The following CROT variants were observed in gnomAD, a reference collection of about 807,000 sequenced individuals.
CROT encodes the protein peroxisomal carnitine O-octanoyltransferase.
A neutral mutation model predicts 89.2 loss-of-function variants in CROT; 84 were observed. That is an observed-to-expected ratio of 0.94 (90% CI 0.79 to 1.13). CROT has a LOEUF of 1.13. Ranked by LOEUF, CROT falls within the 50% of genes most tolerant of loss-of-function variation. The probability of loss-of-function intolerance (pLI) is 0.00; values close to 1 mark genes in which losing one functional copy is unlikely to be tolerated. For missense variants in CROT, 711 were observed against 727.8 expected (o/e 0.98, Z 0.27); for synonymous variants, 212 against 239.5 (o/e 0.89, Z 1.06).
chr7:87,384,554 G>C (rs1191940308), intron 13 of CROT, among the ~76,000 whole-genome samples: 1 of 152,074 alleles, frequency 6.6e-6, no homozygotes, highest in Non-Finnish European at 1.5e-5. Context: ...AAGATTATTT[G>C]TCCATTTTAG....
intron 13 of CROT, among the ~76,000 whole-genome samples, chr7:87,384,718 T>C (rs550381751): frequency 1.1e-4 from 17 of 152,232 alleles, no homozygotes; most frequent in Non-Finnish European, 2.1e-4. Context: ...TTTAACTTCA[T>C]ATGATCCCAT....
At chr7:87,359,632 G>T in intron 4 of CROT, 23 of 1,097,846 alleles carry the variant, frequency 2.1e-5, no homozygotes, top group Non-Finnish European at 2.5e-5. Context: ...TGTAGACCAT[G>T]CTGAAGGAAA....
chr7:87,389,700 A>G (rs1250556861), intron 13 of CROT, among the ~76,000 whole-genome samples: 2 of 152,212 alleles, frequency 1.3e-5, no homozygotes, highest in African/African-American at 2.4e-5. Context: ...GCAGCAAACC[A>G]TCATGGCACA....
chr7:87,364,824 G>A (rs1028785973), intron 6 of CROT, among the ~76,000 whole-genome samples: 1 of 152,154 alleles, frequency 6.6e-6, no homozygotes, highest in Non-Finnish European at 1.5e-5. Context: ...TGTGAATCTA[G>A]AAGCAAACAG....
intron 6 of CROT, among the ~76,000 whole-genome samples, chr7:87,366,490 T>A (rs1245771162): frequency 6.6e-6 from 1 of 152,200 alleles, no homozygotes; most frequent in Non-Finnish European, 1.5e-5. Flanking sequence ...TCAGTCATAT[T>A]CTTGATGATT....
intron 17 of CROT, among the ~76,000 whole-genome samples, chr7:87,395,485 C>T (rs531390265): frequency 5.5e-4 from 84 of 152,266 alleles, no homozygotes; most frequent in African/African-American, 1.8e-3. Flanking sequence ...AAGCATCAGG[C>T]TTTAAGGCAG....
chr7:87,369,551 T>C, intron 7 of CROT, 67 bp downstream of exon 7: 1 of 961,418 alleles, frequency 1.0e-6, no homozygotes. Flanking sequence ...ATATACATGT[T>C]TAGAATTGCC....
At chr7:87,350,877 T>A (rs1449786491) in intron 3 of CROT, among the ~76,000 whole-genome samples, 1 of 152,188 alleles carries the variant, frequency 6.6e-6, no homozygotes, top group Non-Finnish European at 1.5e-5. Context: ...ATTAATCAAC[T>A]AAGCCCATCA....
At chr7:87,397,719 A>G (rs994325682) in intron 17 of CROT, among the ~76,000 whole-genome samples, 1 of 152,220 alleles carries the variant, frequency 6.6e-6, no homozygotes, top group African/African-American at 2.4e-5. Context: ...CATTGGTTTC[A>G]TCATTATATA....
At chr7:87,369,905 G>T (rs1806576516) in intron 7 of CROT, among the ~76,000 whole-genome samples, 3 of 141,274 alleles carry the variant, frequency 2.1e-5, no homozygotes, top group Admixed American at 2.1e-4. Context: ...GTATATTACA[G>T]AAAATTTCAA....
chr7:87,358,304 C>T (rs1042189878), intron 3 of CROT, among the ~76,000 whole-genome samples: 10 of 150,622 alleles, frequency 6.6e-5, no homozygotes, highest in Non-Finnish European at 8.9e-5. Context: ...AGTGAAACCC[C>T]GTCTCTACTA....
Position 87,377,394 on chromosome 7 carries a change from G to A in CROT, c.922G>A (p.Asp308Asn). The stretch of plus-strand genomic sequence containing the variant: ...TGGAGATCCAACAGTACGCTGGGGT[G>A]ACAAATCCTATAACTTGATTTCCTT... Reference protein sequence around the residue: ...LIGDPTVRWGDKSYNLISFSN... With the variant: ...LIGDPTVRWGNKSYNLISFSN... Residue 308 changes from aspartate to asparagine, a missense_variant, in exon 10 of 18, where the codon GAC becomes AAC. Asp to Asn is a conservative substitution (Grantham distance 23, BLOSUM62 1). Transcript: ENST00000331536. The A allele has an allele frequency of 1.2e-6, 2 of 1,611,858 alleles. No individual in the cohort carries two copies. Among genetic ancestry groups the A allele is most frequent in the Non-Finnish European group, 1.7e-6 (2 of 1,178,466 alleles).
chr7:87,381,266 A>T (rs1015225723), intron 10 of CROT, among the ~76,000 whole-genome samples: 1 of 152,192 alleles, frequency 6.6e-6, no homozygotes, highest in Non-Finnish European at 1.5e-5. Flanking sequence ...ATGCGGGCAA[A>T]AACTTTGTTC....
chr7:87,373,985 C>G (rs1806726903), intron 7 of CROT, among the ~76,000 whole-genome samples: 1 of 151,968 alleles, frequency 6.6e-6, no homozygotes, highest in African/African-American at 2.4e-5. Context: ...ACTAGGTTTC[C>G]TTAATGGGAC....
chr7:87,394,237 G>C (rs998457819), intron 17 of CROT, among the ~76,000 whole-genome samples: 17 of 152,178 alleles, frequency 1.1e-4, no homozygotes, highest in Non-Finnish European at 1.6e-4. Context: ...AGAGTTGCAA[G>C]TATCTCCTTA....
At chr7:87,349,536 T>G (rs1297681033) in intron 3 of CROT, among the ~76,000 whole-genome samples, 7 of 152,248 alleles carry the variant, frequency 4.6e-5, no homozygotes, top group African/African-American at 1.7e-4. Flanking sequence ...CCTTGACATT[T>G]TAGTGCATGA....
intron 13 of CROT, among the ~76,000 whole-genome samples, chr7:87,390,223 A>C (rs1230198438): frequency 6.6e-6 from 1 of 152,176 alleles, no homozygotes; most frequent in African/African-American, 2.4e-5. Context: ...CCAATAGTTA[A>C]TGCTCTTTGC....
chr7:87,391,453 T>TG, intron 13 of CROT, 136 bp from the exon 14 acceptor site: 3 of 773,156 alleles, frequency 3.9e-6, no homozygotes, highest in Non-Finnish European at 5.8e-6. Flanking sequence ...AGGCTCTTTT[T>TG]TGTTGAAAGT....
At chr7:87,398,367 G>T in intron 17 of CROT, 157 bp from the exon 18 acceptor site, 1 of 856,986 alleles carries the variant, frequency 1.2e-6, no homozygotes, top group Non-Finnish European at 1.9e-6. Context: ...CTACAGATAT[G>T]GCTTTACCTT....
Sources: allele counts gnomAD v4.1 joint callset (sites outside exome capture counted in the v4.1 genomes callset), GRCh38; gene constraint gnomAD v4.1.1; transcripts MANE v1.5; gene names NCBI Gene and HGNC (gene_info 2026-07-23, HGNC 2026-07-21).